Variants in TOP1MT observed in about 807,000 individuals in gnomAD.
TOP1MT encodes DNA topoisomerase I, mitochondrial.
Under a neutral mutation model 73.9 loss-of-function variants are expected in TOP1MT, and 80 were observed. That is an observed-to-expected ratio of 1.08 (90% confidence interval 0.90 to 1.30). The LOEUF (loss-of-function observed/expected upper bound fraction) is 1.30, where lower values mean the gene tolerates loss of function less well. Ranked by LOEUF, TOP1MT falls within the 50% of genes most tolerant of loss-of-function variation. TOP1MT has a pLI of 0.00. For synonymous variants in TOP1MT, 338 were observed against 326.4 expected (o/e 1.04, Z -0.38); for missense variants, 815 against 808.0 (o/e 1.01, Z -0.10).
intron 7 of TOP1MT, among the ~76,000 whole-genome samples, chr8:143,322,349 ACACACGCACGCCACACACACAGGCACGC>A (rs1816459514): frequency 1.0e-5 from 1 of 98,508 alleles, no homozygotes; most frequent in Non-Finnish European, 2.0e-5. Context: ...CAGGCACGCC[ACACACGCACGCCACACACACAGGCACGC>A]CACACACGCA....
rs1432696816 is a variant in TOP1MT, at chr8:143,334,781, AC to A, written c.80del (p.Gly27ValfsTer25). The A allele has an allele frequency of 1.3e-6, 2 of 1,590,944 alleles. No individual in the cohort carries two copies. Among genetic ancestry groups the A allele is most frequent in the Non-Finnish European group, 1.7e-6 (2 of 1,171,002 alleles). ...TCTGCGTCCTGCGCGAGCCCGGGAC[AC>A]CCCGGGAGGCCGGGCGGCGGGGGAC... Reference protein sequence around the residue: ...GEVPRRPASRGVPGSRRTQKG... With the variant: ...GEVPRRPASRXVPGSRRTQKG... On this transcript the variant is annotated frameshift_variant, in exon 1 of 14. Transcript: ENST00000329245. LOFTEE classifies it high-confidence loss of function.
rs114794102 is a variant in TOP1MT, at chr8:143,323,834, C to T, written c.960+165G>A. Among the ~76,000 whole-genome samples, 4,135 of 152,056 alleles carry T rather than the reference C, an allele frequency of 0.027. 210 individuals carry two copies. Among genetic ancestry groups the T allele is most frequent in the African/African-American group, 0.096 (3,953 of 41,360 alleles). On this transcript the variant is annotated intron_variant, in intron 7 of 13. Transcript: ENST00000329245. ...ACACAATGCACATGCACACCCTACA[C>T]ACATGTTCACACCCACACACGTGTG...
chr8:143,321,939 C>T (rs1447144194), intron 7 of TOP1MT, among the ~76,000 whole-genome samples: 42 of 61,450 alleles, frequency 6.8e-4, no homozygotes, highest in African/African-American at 1.2e-3. Context: ...ACGCCACACA[C>T]GCACGCCACA....
At chr8:143,323,948 C>G in intron 7 of TOP1MT, 51 bp downstream of exon 7, 1 of 1,602,868 alleles carries the variant, frequency 6.2e-7, no homozygotes, top group African/African-American at 1.3e-5. Flanking sequence ...TGGGAGTCCT[C>G]GCCAGGAGAA....
At chr8:143,345,681 C>T (rs1178266451), upstream of TOP1MT, among the ~76,000 whole-genome samples, 1 of 152,228 alleles carries the variant, frequency 6.6e-6, no homozygotes, top group African/African-American at 2.4e-5. Context: ...TAGAAGAATA[C>T]ATTACATAGT....
chr8:143,334,899 G>A (rs1563768482), upstream of TOP1MT: 1 of 1,372,014 alleles, frequency 7.3e-7, no homozygotes, highest in Non-Finnish European at 9.2e-7. Flanking sequence ...GCTGGGCCCC[G>A]CCCCAGCGGC....
upstream of TOP1MT, chr8:143,359,217 A>C (rs1251448978): frequency 1.0e-6 from 1 of 984,418 alleles, no homozygotes; most frequent in African/African-American, 1.8e-5. Flanking sequence ...CTGGGAGCTT[A>C]TGGCTTTAGA....
At chr8:143,321,449 C>T (rs1396659983) in intron 7 of TOP1MT, 63 bp from the exon 8 acceptor site, 40 of 1,379,408 alleles carry the variant, frequency 2.9e-5, no homozygotes, top group Admixed American at 2.0e-4. Context: ...CACACGCACG[C>T]CACACACACG....
In TOP1MT at chr8:143,323,551, C is replaced by G. The variant is rs145388654; in HGVS notation, c.960+448G>C. On this transcript the variant is annotated intron_variant, in intron 7 of 13. Coordinates refer to ENST00000329245, the MANE Select transcript of TOP1MT (RefSeq NM_052963.3). Reference sequence around the variant, plus strand: ...ACGCCACACACATGCTCACCACACACGCACGCCACACACATGCACGCCACA... The same window carrying G: ...ACGCCACACACATGCTCACCACACAGGCACGCCACACACATGCACGCCACA... Among the ~76,000 whole-genome samples the G allele has an allele frequency of 1.5e-4, 8 of 53,004 alleles. 1 individual carries two copies. Among genetic ancestry groups the G allele is most frequent in the Non-Finnish European group, 3.0e-4 (7 of 23,328 alleles). The allele number at this position is 53,004 out of a possible 152,430, so 34.8% of individuals were successfully genotyped here. A position where few individuals can be genotyped will look rare whatever the true frequency, so the allele number is the denominator to read the frequency against.
At chr8:143,352,006 T>C (rs1326602819) in intron 1 of TOP1MT, among the ~76,000 whole-genome samples, 1 of 152,242 alleles carries the variant, frequency 6.6e-6, no homozygotes, top group Non-Finnish European at 1.5e-5. Flanking sequence ...CGCTTGAACC[T>C]GGGAGGTGGA....
intron 7 of TOP1MT, among the ~76,000 whole-genome samples, chr8:143,322,977 G>T (rs1195921967): frequency 2.6e-5 from 2 of 76,734 alleles, no homozygotes; most frequent in Non-Finnish European, 2.4e-5. Context: ...ACACACGCAC[G>T]CACGCCACAC....
At chr8:143,316,392 AGG>A in intron 10 of TOP1MT, among the ~76,000 whole-genome samples, 1 of 40,388 alleles carries the variant, frequency 2.5e-5, no homozygotes, top group Non-Finnish European at 7.3e-5. Context: ...CCCCATGGCA[AGG>A]AGGAGGCCCA....
At chr8:143,352,599 TTA>T (rs1215924631) in intron 1 of TOP1MT, among the ~76,000 whole-genome samples, 1 of 152,174 alleles carries the variant, frequency 6.6e-6, no homozygotes, top group Non-Finnish European at 1.5e-5. Context: ...GTATAAATCT[TTA>T]TGACCCTGAA....
chr8:143,325,495 G>A lies in TOP1MT; in HGVS notation c.522C>T (p.Phe174=), dbSNP rs369984830. ...GGTGACCATCTAAAATACAGTAGCC[G>A]AACTCTTGCTGAAGTTTTTCTGCCT... ...KEEAEKLQQE[F]GYCILDGHQE... is the part of the protein sequence containing the mutation. Residue 174 remains phenylalanine (F), a synonymous_variant, in exon 5 of 14, where the codon TTC becomes TTT. Coordinates refer to ENST00000329245, the MANE Select transcript of TOP1MT (RefSeq NM_052963.3). 53 of 1,611,134 alleles carry A rather than the reference G, an allele frequency of 3.3e-5. No individual in the cohort carries two copies. Among genetic ancestry groups the A allele is most frequent in the Middle Eastern group, 1.6e-4 (1 of 6,078 alleles).
intron 7 of TOP1MT, among the ~76,000 whole-genome samples, chr8:143,322,026 G>A: frequency 1.3e-5 from 1 of 78,624 alleles, no homozygotes. Flanking sequence ...ACACCCACAG[G>A]CACGCCATAC....
intron 8 of TOP1MT, among the ~76,000 whole-genome samples, chr8:143,320,856 G>A (rs796264881): frequency 2.3e-4 from 35 of 152,244 alleles, no homozygotes; most frequent in African/African-American, 8.2e-4. Context: ...TCAGACTCTG[G>A]CCCCCAGGGC....
chr8:143,335,145 C>T (rs577192666), upstream of TOP1MT, among the ~76,000 whole-genome samples: 8 of 152,372 alleles, frequency 5.3e-5, no homozygotes, highest in Admixed American at 5.2e-4. Flanking sequence ...ACAGGGCTGG[C>T]TGTCAGGATG....
chr8:143,323,249 A>G (rs1816577933), intron 7 of TOP1MT, among the ~76,000 whole-genome samples: 1 of 98,648 alleles, frequency 1.0e-5, no homozygotes, highest in Non-Finnish European at 2.0e-5. Context: ...CCACACACAC[A>G]GGCACGCCAC....
chr8:143,309,543 C>A lies in TOP1MT; in HGVS notation c.1704G>T (p.Trp568Cys), dbSNP rs751693325. ...CCACTGGCACCCTGAACCGCTTGCA[C>A]CTGCGGGAGGCAGCATCAGCCCAGG... ...NYLDPRISIA[W>C]CKRFRVPVEK... Residue 568 changes from tryptophan to cysteine, a missense_variant and splice_region_variant, in exon 14 of 14, where the codon TGG becomes TGT. Coordinates refer to ENST00000329245, the MANE Select transcript of TOP1MT (RefSeq NM_052963.3). 6.2e-7 allele frequency: 1 copy of A among 1,613,730 alleles called. No individual in the cohort carries two copies. Among genetic ancestry groups the A allele is most frequent in the Non-Finnish European group, 8.5e-7 (1 of 1,179,992 alleles).
Sources: gnomAD v4.1 joint callset for allele counts (sites outside exome capture counted in the v4.1 genomes callset) on GRCh38, gnomAD v4.1.1 for gene constraint, MANE v1.5 for transcripts, NCBI Gene and HGNC (gene_info 2026-07-23, HGNC 2026-07-21) for gene names.